The following TCEA1 variants were observed in gnomAD, a reference collection of about 807,000 sequenced individuals.
The protein encoded by TCEA1 is transcription elongation factor A1.
A neutral mutation model predicts 43.8 loss-of-function variants in TCEA1; 21 were observed. The ratio of observed to expected loss-of-function variants is 0.48; its 90% CI spans 0.34 to 0.69. The LOEUF (loss-of-function observed/expected upper bound fraction) is 0.69, where lower values mean the gene tolerates loss of function less well. Ranked by LOEUF, TCEA1 falls within the 30% of genes least tolerant of loss-of-function variation. The probability of loss-of-function intolerance (pLI) is 0.01; values close to 1 mark genes in which losing one functional copy is unlikely to be tolerated. For synonymous variants in TCEA1, 104 were observed against 117.5 expected (o/e 0.88, Z 0.75); for missense variants, 250 against 365.1 (o/e 0.68, Z 2.57).
chr8:54,022,013 C>G (rs767474040), intron 1 of TCEA1, 50 bp downstream of exon 1: 17 of 1,541,704 alleles, frequency 1.1e-5, no homozygotes, highest in South Asian at 3.6e-5. Context: ...CCCCTCGGGC[C>G]GGACCGCGGC....
At chr8:54,013,061 T>G (rs1271028273) in intron 1 of TCEA1, among the ~76,000 whole-genome samples, 1 of 152,054 alleles carries the variant, frequency 6.6e-6, no homozygotes, top group Non-Finnish European at 1.5e-5. Context: ...GATCCACTTC[T>G]GACCAAGAAT....
Position 53,984,404 on chromosome 8 carries a change from C to T in TCEA1, c.637G>A (p.Gly213Arg), listed in dbSNP as rs981113380. 1.5e-5 allele frequency: 24 copies of T among 1,605,892 alleles called. No individual in the cohort carries two copies. Among genetic ancestry groups the T allele is most frequent in the Non-Finnish European group, 2.0e-5 (23 of 1,177,360 alleles). Residue 213 changes from glycine (G) to arginine (R), a missense_variant, in exon 7 of 10, where the codon GGG becomes AGG. Physicochemically the swap from Gly to Arg is moderately radical, Grantham distance 125. Coordinates refer to ENST00000521604, the MANE Select transcript of TCEA1 (RefSeq NM_006756.4). The part of the protein sequence containing the change: ...NPNLRKNVLC[G>R]NIPPDLFARM... ...GCAAATAAGTCAGGAGGAATATTCC[C>T]ACAGAGGACATTTTTCCTTAAATTT... is the stretch of plus-strand genomic sequence containing the variant.
intron 8 of TCEA1, among the ~76,000 whole-genome samples, chr8:53,975,022 T>C (rs1803287571): frequency 6.6e-6 from 1 of 152,060 alleles, no homozygotes; most frequent in Admixed American, 6.5e-5. Flanking sequence ...TGGAAGAACT[T>C]TTTGTTGTTT....
At chr8:53,972,987 C>T in intron 8 of TCEA1, 1 of 666,894 alleles carries the variant, frequency 1.5e-6, no homozygotes, top group Admixed American at 1.9e-5. Flanking sequence ...TGGTGGAAAT[C>T]ACTTGGGATG....
intron 2 of TCEA1, 150 bp from the exon 3 acceptor site, chr8:54,000,200 T>G (rs1563499130): frequency 1.8e-6 from 1 of 562,254 alleles, no homozygotes; most frequent in Non-Finnish European, 3.2e-6. Context: ...CAAATTATAT[T>G]AAGATACATA....
At chr8:53,998,094 C>T (rs1475401732) in intron 3 of TCEA1, among the ~76,000 whole-genome samples, 1 of 152,096 alleles carries the variant, frequency 6.6e-6, no homozygotes, top group African/African-American at 2.4e-5. Context: ...TGATAAAAAT[C>T]TGATTTGCAT....
chr8:53,995,921 C>T (rs1282101258), intron 3 of TCEA1, among the ~76,000 whole-genome samples: 2 of 152,204 alleles, frequency 1.3e-5, no homozygotes, highest in Non-Finnish European at 2.9e-5. Flanking sequence ...TTAGTCTTCA[C>T]ATAATTTTAC....
In TCEA1 at chr8:53,982,727, A is replaced by C. The variant is rs143761288; in HGVS notation, c.678+1636T>G. 5.5e-3 allele frequency among the ~76,000 whole-genome samples: 839 copies of C among 152,286 alleles called. 10 individuals carry two copies. Among genetic ancestry groups the C allele is most frequent in the African/African-American group, 0.019 (797 of 41,554 alleles). ...TGTGACTGAGTTGCTTCAATCTCAT[A>C]ATAAAAGCTGAATAGATGAGATGCT... is the stretch of plus-strand genomic sequence containing the variant. On this transcript the variant is annotated intron_variant, in intron 7 of 9. Coordinates refer to ENST00000521604, the MANE Select transcript of TCEA1 (RefSeq NM_006756.4).
intron 8 of TCEA1, 190 bp downstream of exon 8, chr8:53,978,835 C>T (rs111453987): frequency 5.2e-5 from 27 of 519,762 alleles, no homozygotes; most frequent in African/African-American, 5.7e-5. Context: ...ACATATGTAT[C>T]GGAAAAAACG....
intron 9 of TCEA1, among the ~76,000 whole-genome samples, chr8:53,968,959 G>A (rs909440784): frequency 1.3e-5 from 2 of 152,048 alleles, no homozygotes; most frequent in African/African-American, 4.8e-5. Context: ...TTCAGTAGCA[G>A]TAATCTTTCC....
intron 7 of TCEA1, 37 bp from the exon 8 acceptor site, chr8:53,979,208 A>T: frequency 6.3e-7 from 1 of 1,585,518 alleles, no homozygotes; most frequent in Non-Finnish European, 8.6e-7. Context: ...AGTTATAGAC[A>T]CCTTCTATAT....
At chr8:54,018,252 C>A (rs558184308) in intron 1 of TCEA1, among the ~76,000 whole-genome samples, 19 of 152,248 alleles carry the variant, frequency 1.2e-4, no homozygotes, top group African/African-American at 4.3e-4. Context: ...TTCCACTCAA[C>A]CTTGAGCCTT....
chr8:53,981,942 T>C (rs1170183231), intron 7 of TCEA1, among the ~76,000 whole-genome samples: 1 of 150,610 alleles, frequency 6.6e-6, no homozygotes, highest in Non-Finnish European at 1.5e-5. Context: ...TTTTTTTTTT[T>C]TTTGTAGAGA....
intron 3 of TCEA1, among the ~76,000 whole-genome samples, chr8:53,994,828 AC>A (rs1429463007): frequency 6.6e-6 from 1 of 151,200 alleles, no homozygotes; most frequent in Admixed American, 6.6e-5. Context: ...CCGAGATCAT[AC>A]CACTGCACTC....
chr8:53,981,039 C>A (rs746189031), intron 7 of TCEA1, among the ~76,000 whole-genome samples: 14 of 152,164 alleles, frequency 9.2e-5, no homozygotes, highest in Admixed American at 3.9e-4. Context: ...TAAGCCAAAG[C>A]CTAATCCAGA....
At chr8:54,016,569 T>C (rs1481844731) in intron 1 of TCEA1, among the ~76,000 whole-genome samples, 1 of 152,182 alleles carries the variant, frequency 6.6e-6, no homozygotes, top group Non-Finnish European at 1.5e-5. Context: ...TTGGGTGCAG[T>C]GGCTCACATC....
intron 1 of TCEA1, chr8:54,021,409 A>G (rs976681842): frequency 1.3e-5 from 2 of 152,204 alleles, no homozygotes; most frequent in Non-Finnish European, 2.9e-5. Context: ...AAATCCCTCT[A>G]CCAGCATTCC....
intron 2 of TCEA1, among the ~76,000 whole-genome samples, chr8:54,005,035 T>A (rs7824979): frequency 0.13 from 19,155 of 152,010 alleles, 3,185 homozygotes; most frequent in African/African-American, 0.39. Flanking sequence ...CACCTTCTAC[T>A]CTCTCACTCT....
At chr8:54,003,098 G>C (rs1223181395) in intron 2 of TCEA1, 1 of 455,880 alleles carries the variant, frequency 2.2e-6, no homozygotes. Context: ...TAAATCTTAA[G>C]GTAAAAAACA....
Sources: gnomAD v4.1 joint callset for allele counts (sites outside exome capture counted in the v4.1 genomes callset) on GRCh38, gnomAD v4.1.1 for gene constraint, MANE v1.5 for transcripts, NCBI Gene and HGNC (gene_info 2026-07-23, HGNC 2026-07-21) for gene names.